The following ENPP3 variants were observed in gnomAD, a reference collection of about 807,000 sequenced individuals.
ENPP3 encodes ectonucleotide pyrophosphatase/phosphodiesterase family member 3.
ENPP3 carries 104 observed loss-of-function variants against 117.8 expected under a neutral mutation model. The ratio of observed to expected loss-of-function variants is 0.88; its 90% CI spans 0.75 to 1.04. The LOEUF (loss-of-function observed/expected upper bound fraction) is 1.04, where lower values mean the gene tolerates loss of function less well. ENPP3 is among the 50% of genes least tolerant of loss of function. ENPP3 has a pLI of 0.00. For synonymous variants in ENPP3, 380 were observed against 349.9 expected, an observed-to-expected ratio of 1.09 and a Z score of -0.96; for missense variants, 1,026 against 1,051.9, an observed-to-expected ratio of 0.98 and a Z score of 0.34.
Position 131,650,119 on chromosome 6 carries a change from T to C in ENPP3, c.247T>C (p.Trp83Arg), listed in dbSNP as rs768190631. The change falls in exon 3 of 25, where the codon TGG (tryptophan) becomes CGG (arginine). Residue 83 changes from tryptophan (W) to arginine (R), a missense_variant. By Grantham distance (101) the Trp-to-Arg change is moderately radical. Coordinates refer to ENST00000357639, the MANE Select transcript of ENPP3 (RefSeq NM_005021.5). ...VACKDRGDCC[W>R]DFEDTCVEST... Reference sequence around the variant, plus strand: ...ATGTAAAGACCGAGGTGATTGCTGCTGGGATTTTGAAGACACCTGTGTGGA... The same window carrying C: ...ATGTAAAGACCGAGGTGATTGCTGCCGGGATTTTGAAGACACCTGTGTGGA... The C allele has an allele frequency of 6.2e-7, 1 of 1,614,122 alleles. No homozygotes were observed. The highest frequency in any genetic ancestry group is 8.5e-7 in the Non-Finnish European group (1 of 1,179,980).
intron 1 of ENPP3, 108 bp from the exon 2 acceptor site, chr6:131,641,347 A>T: frequency 1.6e-6 from 1 of 621,518 alleles, no homozygotes. Context: ...TATCTGGCAT[A>T]ACTAGTACGC....
chr6:131,692,952 C>G (rs1267755840), intron 14 of ENPP3, among the ~76,000 whole-genome samples: 2 of 127,712 alleles, frequency 1.6e-5, no homozygotes, highest in African/African-American at 2.8e-5. Context: ...ATATATTATA[C>G]ACTATATATG....
Position 131,709,936 on chromosome 6 carries a change from G to A in ENPP3, c.1413-8736G>A, listed in dbSNP as rs201308728. Reference sequence around the variant, plus strand: ...TTCTGATTGCAAAGATGCTTGTTGAGTCTGAAGATTTTTAATATGCTCTGT... The same window carrying A: ...TTCTGATTGCAAAGATGCTTGTTGAATCTGAAGATTTTTAATATGCTCTGT... On this transcript the variant is annotated intron_variant, in intron 15 of 24. Transcript: ENST00000357639. The A allele has an allele frequency of 2.6e-4, 405 of 1,580,418 alleles. No homozygotes were observed. The highest frequency in any genetic ancestry group is 3.1e-4 in the Non-Finnish European group (365 of 1,163,622).
At chr6:131,718,775 G>A (rs1779952358) in intron 16 of ENPP3, 37 bp downstream of exon 16, 1 of 1,289,480 alleles carries the variant, frequency 7.8e-7, no homozygotes, top group Non-Finnish European at 1.1e-6. Flanking sequence ...TTTATTTTAA[G>A]TTCAGGGGTA....
rs71030754 is a variant in ENPP3 at position 131,717,351 on chromosome 6, GGTGTGTGTGTGTGTGTGT to G, written c.1413-1284_1413-1267del. ...AAAAACAAACAGAAACCCTGCGGGGGGTGTGTGTGTGTGTGTGTGTGTGTGTGTGTGTGTGTGTGTGTG... is the reference window on the plus strand; with the variant it reads ...AAAAACAAACAGAAACCCTGCGGGGGGTGTGTGTGTGTGTGTGTGTGTGTG... On this transcript the variant is annotated intron_variant, in intron 15 of 24. Coordinates refer to ENST00000357639, the MANE Select transcript of ENPP3 (RefSeq NM_005021.5). Among the ~76,000 whole-genome samples, 492 of 89,418 alleles carry G rather than the reference GGTGTGTGTGTGTGTGTGT, an allele frequency of 5.5e-3. 8 individuals are homozygous for G. Among genetic ancestry groups the G allele is most frequent in the African/African-American group, 0.032 (435 of 13,408 alleles). 58.7% of individuals were successfully genotyped at this position (89,418 alleles called of 152,430 possible).
chr6:131,740,151 TG>T (rs1186724008), intron 23 of ENPP3, 72 bp from the exon 24 acceptor site: 1 of 1,176,296 alleles, frequency 8.5e-7, no homozygotes, highest in African/African-American at 1.6e-5. Context: ...AAAAAAACTA[TG>T]TAAACACACT....
chr6:131,701,369 G>T, intron 15 of ENPP3: 1 of 1,613,930 alleles, frequency 6.2e-7, no homozygotes, highest in Non-Finnish European at 8.5e-7. Context: ...CCAGTAGGAG[G>T]AACTCTCTGA....
intron 24 of ENPP3, among the ~76,000 whole-genome samples, chr6:131,744,342 G>A (rs554416384): frequency 1.3e-5 from 2 of 152,270 alleles, no homozygotes; most frequent in South Asian, 2.1e-4. Flanking sequence ...CAGCAGATAT[G>A]GAAAATGTAG....
chr6:131,651,195 C>CA (rs144461230), intron 3 of ENPP3, among the ~76,000 whole-genome samples: 3,622 of 152,262 alleles, frequency 0.024, 150 homozygotes, highest in African/African-American at 0.082. Context: ...GCTGGGATTA[C>CA]AGGTGTGGGC....
In ENPP3 at chr6:131,730,140, TTACTAA is replaced by T. The variant is rs1391393946; in HGVS notation, c.1954-3446_1954-3441del. Among the ~76,000 whole-genome samples the T allele has an allele frequency of 3.9e-5, 6 of 152,308 alleles. No homozygotes were observed. The South Asian group carries it at 1.0e-3, about 26-fold the overall frequency. On this transcript the variant is annotated intron_variant, in intron 20 of 24. Coordinates refer to ENST00000357639, the MANE Select transcript of ENPP3 (RefSeq NM_005021.5). ...TACTGTATATTTCTTCAAGTAAAACTTACTAATGTGAAATGTTTGAGTACAACGATA... is the reference window on the plus strand; with the variant it reads ...TACTGTATATTTCTTCAAGTAAAACTTGTGAAATGTTTGAGTACAACGATA...
chr6:131,691,182 G>A (rs1326722878), intron 14 of ENPP3, among the ~76,000 whole-genome samples: 1 of 152,010 alleles, frequency 6.6e-6, no homozygotes, highest in Non-Finnish European at 1.5e-5. Flanking sequence ...TGTTCCCTGG[G>A]CCTATATTGA....
chr6:131,673,255 A>T lies in ENPP3; in HGVS notation c.643-907A>T, dbSNP rs531590458. On this transcript the variant is annotated intron_variant, in intron 7 of 24. Transcript: ENST00000357639. ...GTGTGGGTTCTGAATCCGTGGATTC[A>T]ACTAACTGTGGATTGAAAATATTTG... 4.6e-5 allele frequency among the ~76,000 whole-genome samples: 7 copies of T among 152,288 alleles called. No individual in the cohort carries two copies. The South Asian group carries it at 6.2e-4, about 14-fold the overall frequency.
chr6:131,717,067 G>T (rs574132188), intron 15 of ENPP3, among the ~76,000 whole-genome samples: 1 of 152,154 alleles, frequency 6.6e-6, no homozygotes, highest in African/African-American at 2.4e-5. Context: ...ACATCCTTAG[G>T]ATATCAAACT....
In ENPP3 at chr6:131,724,098, C is replaced by G; in HGVS notation, c.1798+7C>G. 1 of 1,593,530 alleles carries G rather than the reference C, an allele frequency of 6.3e-7. No homozygotes were observed. The highest frequency in any genetic ancestry group is 8.6e-7 in the Non-Finnish European group (1 of 1,162,158). ...AATCTCACCCAAGAAGAAAGTAAGTCAATAGAAAACATGTTAAGTCTTTGA... is the reference window on the plus strand; with the variant it reads ...AATCTCACCCAAGAAGAAAGTAAGTGAATAGAAAACATGTTAAGTCTTTGA... On this transcript the variant is annotated splice_region_variant and intron_variant, in intron 19 of 24. Transcript: ENST00000357639.
chr6:131,695,515 A>G (rs1029816753), intron 15 of ENPP3, among the ~76,000 whole-genome samples: 13 of 152,234 alleles, frequency 8.5e-5, no homozygotes, highest in African/African-American at 3.1e-4. Flanking sequence ...CTCATCTGTA[A>G]CACAAGATTA....
intron 11 of ENPP3, 28 bp from the exon 12 acceptor site, chr6:131,683,026 A>G: frequency 1.5e-6 from 2 of 1,358,762 alleles, no homozygotes; most frequent in East Asian, 4.6e-5. Flanking sequence ...ACTCATTACG[A>G]CAATCTTAAC....
chr6:131,693,158 A>G (rs1184008729), intron 14 of ENPP3, among the ~76,000 whole-genome samples: 1 of 149,046 alleles, frequency 6.7e-6, no homozygotes, highest in Non-Finnish European at 1.5e-5. Context: ...AAAACTGAAA[A>G]CATTAACTCA....
At chr6:131,718,094 C>A (rs918555969) in intron 15 of ENPP3, among the ~76,000 whole-genome samples, 11 of 152,186 alleles carry the variant, frequency 7.2e-5, no homozygotes, top group Non-Finnish European at 1.6e-4. Flanking sequence ...AGAACATATT[C>A]CTGCCCTTAA....
At chr6:131,666,413 GT>G (rs2114360209) in intron 6 of ENPP3, among the ~76,000 whole-genome samples, 1 of 152,188 alleles carries the variant, frequency 6.6e-6, no homozygotes, top group South Asian at 2.1e-4. Context: ...AGATTTGGGA[GT>G]TTTTAGCCAT....
Sources: gnomAD v4.1 joint callset for allele counts (sites outside exome capture counted in the v4.1 genomes callset) on GRCh38, gnomAD v4.1.1 for gene constraint, MANE v1.5 for transcripts, NCBI Gene and HGNC (gene_info 2026-07-23, HGNC 2026-07-21) for gene names.